The following TSHZ3 variants were observed in gnomAD, a reference collection of about 807,000 sequenced individuals.
TSHZ3 encodes the protein teashirt homolog 3.
TSHZ3 carries 10 observed loss-of-function variants against 64.5 expected under a neutral mutation model. The ratio of observed to expected loss-of-function variants is 0.16; its 90% CI spans 0.10 to 0.26. The LOEUF is 0.26. Among genes scored for constraint, TSHZ3 ranks in the 10% least tolerant of loss-of-function variants. TSHZ3 has a pLI of 1.00. For missense variants in TSHZ3, 1,242 were observed against 1,421.7 expected (o/e 0.87, Z 2.03); for synonymous variants, 608 against 593.1 (o/e 1.03, Z -0.36).
rs958959610 is a variant in TSHZ3 at position 31,261,823 on chromosome 19, C to T, written n.64-18948G>A. Among the ~76,000 whole-genome samples, 8 of 152,114 alleles carry T rather than the reference C, an allele frequency of 5.3e-5. No individual in the cohort carries two copies. In the East Asian group the frequency reaches 5.8e-4, roughly 11 times the overall value. On this transcript the variant is annotated intron_variant and non_coding_transcript_variant, in intron 1 of 6. Coordinates refer to the TSHZ3 transcript ENST00000651361. Reference sequence around the variant, plus strand: ...ACTCTGTGGTTTCTCTCTCAAGGCACGTGCAGAGATAAATTTCATAGAGAG... The same window carrying T: ...ACTCTGTGGTTTCTCTCTCAAGGCATGTGCAGAGATAAATTTCATAGAGAG...
At chr19:31,213,200 C>CA (rs955266083) in intron 4 of TSHZ3, among the ~76,000 whole-genome samples, 2 of 150,546 alleles carry the variant, frequency 1.3e-5, no homozygotes, top group Non-Finnish European at 3.0e-5. Context: ...TACTAAAATA[C>CA]AAAAAAATTA....
rs1252080730 is a variant in TSHZ3 at position 31,190,032 on chromosome 19, T to TAA, written n.809+14923_809+14924insTT. ...TAATAGAGCCATGCTAGATTTCTTA[T>TAA]GCTTACAGTAAGCATAGTATAAAGG... On this transcript the variant is annotated intron_variant and non_coding_transcript_variant, in intron 5 of 6. Transcript: ENST00000651361. 5.0e-5 allele frequency among the ~76,000 whole-genome samples: 7 copies of TAA among 138,798 alleles called. No individual in the cohort carries two copies. In the East Asian group the frequency reaches 1.4e-3, roughly 28 times the overall value. 91.1% of individuals were successfully genotyped at this position (138,798 alleles called of 152,430 possible).
At chr19:31,224,699 A>C (rs1354900487) in intron 4 of TSHZ3, among the ~76,000 whole-genome samples, 4 of 152,220 alleles carry the variant, frequency 2.6e-5, no homozygotes, top group Non-Finnish European at 5.9e-5. Flanking sequence ...AGCCCCAGTA[A>C]GTAGTTTGTG....
At chr19:31,293,029 A>AC in intron 1 of TSHZ3, among the ~76,000 whole-genome samples, 1 of 116,578 alleles carries the variant, frequency 8.6e-6, no homozygotes, top group Non-Finnish European at 2.0e-5. Context: ...ATCCATCCAA[A>AC]AATCCATCCA....
intron 1 of TSHZ3, among the ~76,000 whole-genome samples, chr19:31,254,685 C>T (rs1975885701): frequency 1.3e-5 from 2 of 152,166 alleles, no homozygotes; most frequent in Admixed American, 6.5e-5. Context: ...TAGTTCTTGC[C>T]CTAGCTGTGG....
At chr19:31,159,816 C>T (rs972614926) in intron 5 of TSHZ3, among the ~76,000 whole-genome samples, 4 of 151,834 alleles carry the variant, frequency 2.6e-5, no homozygotes, top group African/African-American at 9.7e-5. Flanking sequence ...CCTCAGCCCC[C>T]CAAGTAACTG....
chr19:31,192,548 T>C (rs1458144250), intron 5 of TSHZ3, among the ~76,000 whole-genome samples: 1 of 152,232 alleles, frequency 6.6e-6, no homozygotes, highest in African/African-American at 2.4e-5. Flanking sequence ...TACTTATATT[T>C]TATTTCTGGA....
chr19:31,168,084 CCTTTTCTCAG>C (rs1974480621), intron 5 of TSHZ3, among the ~76,000 whole-genome samples: 1 of 151,812 alleles, frequency 6.6e-6, no homozygotes, highest in African/African-American at 2.4e-5. Context: ...ATAGATGCCA[CCTTTTCTCAG>C]TGTTAAAACT....
chr19:31,336,975 G>GTTTTTCTTTCTTTCTTCCTTTC (rs1917264748), intron 1 of TSHZ3, among the ~76,000 whole-genome samples: 2 of 148,534 alleles, frequency 1.3e-5, no homozygotes, highest in Non-Finnish European at 3.0e-5. Flanking sequence ...AGACCAGGCA[G>GTTTTTCTTTCTTTCTTCCTTTC]TTTTTCTTTC....
Position 31,220,730 on chromosome 19 carries a change from T to G in TSHZ3, n.686+7275A>C, listed in dbSNP as rs1975385285. Among the ~76,000 whole-genome samples the G allele has an allele frequency of 4.6e-5, 7 of 152,338 alleles. No individual in the cohort carries two copies. The South Asian group carries it at 1.4e-3, about 32-fold the overall frequency. The stretch of plus-strand genomic sequence containing the variant: ...AGTCTGAGAAGTGGTGCACTTCACT[T>G]CCTTTTCCTTTCCTCTGGCTAACAC... On this transcript the variant is annotated intron_variant and non_coding_transcript_variant, in intron 4 of 6. Coordinates refer to the TSHZ3 transcript ENST00000651361.
chr19:31,197,753 A>G (rs1975013324), intron 5 of TSHZ3, among the ~76,000 whole-genome samples: 1 of 151,994 alleles, frequency 6.6e-6, no homozygotes, highest in African/African-American at 2.4e-5. Context: ...TCATATAAGG[A>G]GAAATTGACA....
intron 1 of TSHZ3, among the ~76,000 whole-genome samples, chr19:31,342,910 G>T (rs765717755): frequency 6.6e-6 from 1 of 152,224 alleles, no homozygotes; most frequent in Non-Finnish European, 1.5e-5. Context: ...TTAAAACAGG[G>T]ATGGTTTGCC....
intron 5 of TSHZ3, among the ~76,000 whole-genome samples, chr19:31,180,937 G>T (rs1463596140): frequency 6.6e-6 from 1 of 152,092 alleles, no homozygotes; most frequent in African/African-American, 2.4e-5. Flanking sequence ...AAAGATGAGC[G>T]ATGTCACCAT....
At chr19:31,228,075 A>G (rs1301542135) in exon 4 of TSHZ3, among the ~76,000 whole-genome samples, 1 of 152,154 alleles carries the variant, frequency 6.6e-6, no homozygotes, top group Non-Finnish European at 1.5e-5. Flanking sequence ...TCCGTGGAAC[A>G]TCTAGAGTCA....
chr19:31,274,356 C>A (rs1568365328), downstream of TSHZ3, among the ~76,000 whole-genome samples: 1 of 152,104 alleles, frequency 6.6e-6, no homozygotes, highest in Non-Finnish European at 1.5e-5. Flanking sequence ...ATGCTCTCCC[C>A]CTCCTCCCAT....
At chr19:31,334,026 A>G (rs1403911878) in intron 1 of TSHZ3, among the ~76,000 whole-genome samples, 2 of 152,112 alleles carry the variant, frequency 1.3e-5, no homozygotes, top group Non-Finnish European at 2.9e-5. Flanking sequence ...CCAAGACCCA[A>G]TTTGAACAGG....
chr19:31,160,590 C>A (rs528597041), intron 5 of TSHZ3, among the ~76,000 whole-genome samples: 1 of 152,202 alleles, frequency 6.6e-6, no homozygotes, highest in South Asian at 2.1e-4. Context: ...AGGGAAAGGC[C>A]TCAGCTTCTA....
intron 1 of TSHZ3, among the ~76,000 whole-genome samples, chr19:31,257,998 G>A (rs1053819957): frequency 2.0e-5 from 3 of 152,204 alleles, no homozygotes; most frequent in Non-Finnish European, 4.4e-5. Flanking sequence ...GGAGGGGACT[G>A]AGTGAAGGAT....
chr19:31,230,098 T>G (rs1039250697), intron 3 of TSHZ3, among the ~76,000 whole-genome samples: 1 of 152,194 alleles, frequency 6.6e-6, no homozygotes, highest in African/African-American at 2.4e-5. Context: ...TTTAAAAATG[T>G]TCCCTGGAAG....
Sources: gnomAD v4.1 joint callset for allele counts (sites outside exome capture counted in the v4.1 genomes callset) on GRCh38, gnomAD v4.1.1 for gene constraint, MANE v1.5 for transcripts, NCBI Gene and HGNC (gene_info 2026-07-23, HGNC 2026-07-21) for gene names.